The following CACNA1B variants were observed in gnomAD, a reference collection of about 807,000 sequenced individuals.
CACNA1B encodes the protein calcium voltage-gated channel subunit alpha1 B, also known as voltage-dependent N-type calcium channel subunit alpha-1B.
A neutral mutation model predicts 247.2 loss-of-function variants in CACNA1B; 70 were observed. That is an observed-to-expected ratio of 0.28 (90% CI 0.23 to 0.35). The LOEUF is 0.35. CACNA1B is among the 10% of genes least tolerant of loss of function. The probability of loss-of-function intolerance (pLI) is 1.00; values close to 1 mark genes in which losing one functional copy is unlikely to be tolerated. For synonymous variants in CACNA1B, 1,231 were observed against 1,294.4 expected (o/e 0.95, Z 1.05); for missense variants, 2,367 against 3,197.4 (o/e 0.74, Z 6.26).
At chr9:138,063,461 T>C (rs566963157) in intron 31 of CACNA1B, among the ~76,000 whole-genome samples, 3 of 152,308 alleles carry the variant, frequency 2.0e-5, no homozygotes, top group Admixed American at 1.3e-4. Flanking sequence ...ACCACTGCAC[T>C]CCAGCCTGGG....
At position 137,952,249 on chromosome 9, in the gene CACNA1B, C is replaced by G. The variant is rs772909038; in HGVS notation, c.967-25C>G. On this transcript the variant is annotated intron_variant, in intron 6 of 46. Transcript: ENST00000371372. This position sits in a 1 kb window ranked among gnomAD's most constrained non-coding sequence, Gnocchi z 4.8. The stretch of plus-strand genomic sequence containing the variant: ...GGACTGTGTTTTGTCCCTGTCCTTC[C>G]TCATCTCCCTCTCCTTGCTTCCAGA... 5.6e-6 allele frequency: 9 copies of G among 1,596,420 alleles called. No individual in the cohort carries two copies. In the East Asian group the frequency reaches 1.8e-4, roughly 32 times the overall value.
In CACNA1B at chr9:138,059,355, G is replaced by C. The variant is rs1005195162; in HGVS notation, c.4584+166G>C. ...GGGAAGGGGCTGTTCTGAGACTCTT[G>C]GCTACATAAGCTCTGCCCCCAGCCT... is the stretch of plus-strand genomic sequence containing the variant. On this transcript the variant is annotated intron_variant, in intron 30 of 46. Transcript: ENST00000371372. This position sits in a 1 kb window ranked among gnomAD's most constrained non-coding sequence, Gnocchi z 4.2. 4.6e-5 allele frequency among the ~76,000 whole-genome samples: 7 copies of C among 152,126 alleles called. No homozygotes were observed. Among genetic ancestry groups the C allele is most frequent in the Non-Finnish European group, 1.0e-4 (7 of 68,010 alleles).
chr9:138,037,046 T>C (rs1006781955), intron 20 of CACNA1B, among the ~76,000 whole-genome samples: 2 of 152,254 alleles, frequency 1.3e-5, no homozygotes, highest in Admixed American at 6.5e-5. Flanking sequence ...TGTCTAAGTC[T>C]CTTTTACTTT....
At chr9:138,088,803 A>G (rs1314277980) in intron 36 of CACNA1B, among the ~76,000 whole-genome samples, 2 of 151,500 alleles carry the variant, frequency 1.3e-5, no homozygotes, top group East Asian at 1.9e-4. Context: ...AATACAAAAA[A>G]AAAAAATTAG....
rs541716002 is a variant in CACNA1B, at chr9:137,888,267, C to T, written c.530+5384C>T. Reference sequence around the variant, plus strand: ...GCCTCCGGAGTCTGTCACCCATCGGCGCAGGTGCCTTTCCCCTTCCGTGCC... The same window carrying T: ...GCCTCCGGAGTCTGTCACCCATCGGTGCAGGTGCCTTTCCCCTTCCGTGCC... On this transcript the variant is annotated intron_variant, in intron 3 of 46. Transcript: ENST00000371372. This position sits in a 1 kb window ranked among gnomAD's most constrained non-coding sequence, Gnocchi z 4.7. 3.3e-5 allele frequency among the ~76,000 whole-genome samples: 5 copies of T among 151,966 alleles called. No homozygotes were observed. The highest frequency in any genetic ancestry group is 2.0e-4 in the Admixed American group (3 of 15,274).
chr9:138,023,989 C>G (rs1175952835), intron 19 of CACNA1B, among the ~76,000 whole-genome samples, 178 bp downstream of exon 19: 1 of 152,216 alleles, frequency 6.6e-6, no homozygotes, highest in African/African-American at 2.4e-5. Context: ...GGTGACAATC[C>G]TGCCTTGCAG....
intron 32 of CACNA1B, among the ~76,000 whole-genome samples, chr9:138,070,401 C>T (rs1029703405): frequency 4.6e-5 from 7 of 152,162 alleles, no homozygotes; most frequent in Non-Finnish European, 7.3e-5. Flanking sequence ...GCAGTGGAGC[C>T]GAAGCTCCCC....
rs986209633 is a variant in CACNA1B at position 138,078,405 on chromosome 9, A to G, written c.5094+147A>G. On this transcript the variant is annotated intron_variant, in intron 36 of 46. Coordinates refer to ENST00000371372, the MANE Select transcript of CACNA1B (RefSeq NM_000718.4). ...GCTGATGGCCCTTGTTTCCCCAGAG[A>G]TGGCGACTTTGTTAGCCAGAGAAAG... The G allele has an allele frequency of 5.4e-5, 42 of 775,474 alleles. 1 individual carries two copies. The highest frequency in any genetic ancestry group is 4.7e-4 in the Middle Eastern group (2 of 4,222). 48.0% of individuals were successfully genotyped at this position (775,474 alleles called of 1,614,324 possible).
At chr9:137,937,848 G>A (rs1163614351) in intron 6 of CACNA1B, among the ~76,000 whole-genome samples, 3 of 148,424 alleles carry the variant, frequency 2.0e-5, no homozygotes, top group Non-Finnish European at 1.5e-5. Flanking sequence ...TCGGGAGGCT[G>A]AGGTAAGAGA....
rs148875686 is a variant in CACNA1B, at chr9:137,962,178, T to C, written c.1333+4491T>C. 2.8e-3 allele frequency among the ~76,000 whole-genome samples: 424 copies of C among 152,288 alleles called. 6 individuals carry two copies. The East Asian group carries it at 0.043, about 15-fold the overall frequency. ...TAGTTTATGTGCATAGAGGTGTTTA[T>C]AGTATTCTCTGATGGTTGTCTGTAT... On this transcript the variant is annotated intron_variant, in intron 10 of 46. Transcript: ENST00000371372.
intron 39 of CACNA1B, among the ~76,000 whole-genome samples, chr9:138,107,218 T>TTTTATTTATTTATTTATTTATTTA (rs56043117): frequency 7.4e-6 from 1 of 135,742 alleles, no homozygotes; most frequent in Non-Finnish European, 1.6e-5. Flanking sequence ...AATCATCTTA[T>TTTTATTTATTTATTTATTTATTTA]TTTATTTATT....
rs1213172891 is a variant in CACNA1B, at chr9:137,990,021, AGAACTACCACGGGAAGTTCTTG to A, written c.1974+3178_1974+3199del. Among the ~76,000 whole-genome samples, 1 of 152,158 alleles carries A rather than the reference AGAACTACCACGGGAAGTTCTTG, an allele frequency of 6.6e-6. No homozygotes were observed. The highest frequency in any genetic ancestry group is 1.5e-5 in the Non-Finnish European group (1 of 68,014). ...ACTCACATCATGAACTTTTGCTCCAAGAACTACCACGGGAAGTTCTTGGAACTACCACAGGCAAGTTCTCAGC... is the reference window on the plus strand; with the variant it reads ...ACTCACATCATGAACTTTTGCTCCAAGAACTACCACAGGCAAGTTCTCAGC... On this transcript the variant is annotated intron_variant, in intron 15 of 46. Coordinates refer to ENST00000371372, the MANE Select transcript of CACNA1B (RefSeq NM_000718.4). This position sits in a 1 kb window ranked among gnomAD's most constrained non-coding sequence, Gnocchi z 4.5.
chr9:137,895,353 A>T (rs1957161071), intron 3 of CACNA1B, among the ~76,000 whole-genome samples: 1 of 152,204 alleles, frequency 6.6e-6, no homozygotes, highest in Non-Finnish European at 1.5e-5. Context: ...ACATTTTAGA[A>T]TAATCTTGTC....
chr9:137,922,901 C>T (rs775407047), intron 6 of CACNA1B, among the ~76,000 whole-genome samples: 5 of 152,184 alleles, frequency 3.3e-5, no homozygotes, highest in South Asian at 4.1e-4. Flanking sequence ...AGGGGTCCCT[C>T]CTGCTGCCCT....
intron 6 of CACNA1B, among the ~76,000 whole-genome samples, chr9:137,923,382 A>T (rs796950771): frequency 7.1e-3 from 425 of 59,920 alleles, no homozygotes; most frequent in African/African-American, 0.017. Context: ...ATTCCGTGGC[A>T]CCAGGTGGTA....
chr9:138,015,493 T>TCCTGCCCTGCTCTCATTTCCAG (rs1272456323), intron 18 of CACNA1B, among the ~76,000 whole-genome samples: 1 of 146,814 alleles, frequency 6.8e-6, no homozygotes, highest in Non-Finnish European at 1.5e-5. Context: ...CAGCGCTGCC[T>TCCTGCCCTGCTCTCATTTCCAG]CCTGCCCTGC....
chr9:138,086,968 T>C (rs1197027230), intron 36 of CACNA1B, among the ~76,000 whole-genome samples: 4 of 151,334 alleles, frequency 2.6e-5, no homozygotes, highest in Non-Finnish European at 5.9e-5. Context: ...TCAAGTATTT[T>C]TTCTAACAAT....
chr9:138,114,475 T>C lies in CACNA1B; in HGVS notation c.5634T>C (p.Pro1878=). 6.4e-7 allele frequency: 1 copy of C among 1,568,410 alleles called. No individual in the cohort carries two copies. Among genetic ancestry groups the C allele is most frequent in the South Asian group, 1.2e-5 (1 of 85,864 alleles). Residue 1878 remains proline (P), a synonymous_variant, in exon 41 of 47, where the codon CCT becomes CCC. Coordinates refer to ENST00000371372, the MANE Select transcript of CACNA1B (RefSeq NM_000718.4). The part of the protein sequence containing the change: ...KTTRDQMQQA[P]GGLSQMGPVS... ...CCAGAGACCAGATGCAGCAGGCTCC[T>C]GGAGGCCTCTCCCAGGTAGCTGGCG...
At chr9:137,931,246 G>T (rs1957604104) in intron 6 of CACNA1B, among the ~76,000 whole-genome samples, 1 of 151,342 alleles carries the variant, frequency 6.6e-6, no homozygotes, top group Non-Finnish European at 1.5e-5. Context: ...CGCGTAAACG[G>T]CTCAAGAGCC....
Sources: allele counts gnomAD v4.1 joint callset (sites outside exome capture counted in the v4.1 genomes callset), GRCh38; gene constraint gnomAD v4.1.1; non-coding constraint Gnocchi (gnomAD v3.1); transcripts MANE v1.5; gene names NCBI Gene and HGNC (gene_info 2026-07-23, HGNC 2026-07-21).